Variants in IL5RA observed in about 807,000 individuals in gnomAD.
IL5RA encodes the protein interleukin 5 receptor subunit alpha.
Under a neutral mutation model 50.0 loss-of-function variants are expected in IL5RA, and 49 were observed. The observed-to-expected ratio is 0.98, with a 90% CI of 0.78 to 1.24. The LOEUF is 1.24. Ranked by LOEUF, IL5RA falls within the 50% of genes most tolerant of loss-of-function variation. The pLI, the probability that IL5RA is intolerant of heterozygous loss-of-function variation, is 0.00. For synonymous variants in IL5RA, 202 were observed against 174.0 expected (o/e 1.16, Z -1.26); for missense variants, 600 against 500.4 (o/e 1.20, Z -1.90).
At chr3:3,088,102 A>G (rs1339174835) in intron 9 of IL5RA, among the ~76,000 whole-genome samples, 10 of 152,226 alleles carry the variant, frequency 6.6e-5, no homozygotes, top group Non-Finnish European at 1.5e-5. Flanking sequence ...TAATGAGCCC[A>G]GATTCAAACT....
chr3:3,075,758 G>A (rs756319297), intron 10 of IL5RA, among the ~76,000 whole-genome samples: 2 of 151,684 alleles, frequency 1.3e-5, no homozygotes, highest in African/African-American at 4.8e-5. Flanking sequence ...GTACCACCAC[G>A]CCCAGCTAAT....
chr3:3,092,117 A>G lies in IL5RA; in HGVS notation c.994+107T>C, dbSNP rs562688539. 316 of 1,504,624 alleles carry G rather than the reference A, an allele frequency of 2.1e-4. 3 individuals are homozygous for G. In the African/African-American group the frequency reaches 4.1e-3, roughly 19 times the overall value. The allele number at this position is 1,504,624 out of a possible 1,614,324, so 93.2% of individuals were successfully genotyped here. Reference sequence around the variant, plus strand: ...ACCGAGAGAAAATTAGTCACAATAGAGATATGAAACCATTTTAAGACCCAC... The same window carrying G: ...ACCGAGAGAAAATTAGTCACAATAGGGATATGAAACCATTTTAAGACCCAC... On this transcript the variant is annotated intron_variant, in intron 9 of 11. Coordinates refer to ENST00000446632, the MANE Select transcript of IL5RA (RefSeq NM_175726.4). This position sits in a 1 kb window ranked among gnomAD's most constrained non-coding sequence, Gnocchi z 4.2.
At chr3:3,090,278 T>G in intron 9 of IL5RA, 1 of 1,521,302 alleles carries the variant, frequency 6.6e-7, no homozygotes, top group Non-Finnish European at 9.0e-7. Flanking sequence ...AGAGAAATTA[T>G]TTGTCTGGGG....
At chr3:3,104,075 G>C (rs750284572) in intron 3 of IL5RA, among the ~76,000 whole-genome samples, 4 of 152,140 alleles carry the variant, frequency 2.6e-5, no homozygotes, top group Non-Finnish European at 5.9e-5. Flanking sequence ...GTCTCACTCT[G>C]TTGCCCAGGC....
chr3:3,075,385 T>C (rs1040416430), intron 10 of IL5RA, among the ~76,000 whole-genome samples: 1 of 151,744 alleles, frequency 6.6e-6, no homozygotes, highest in Non-Finnish European at 1.5e-5. Flanking sequence ...GTATTTTTTG[T>C]AGAGACAGGG....
intron 9 of IL5RA, among the ~76,000 whole-genome samples, chr3:3,084,907 C>T (rs927102698): frequency 6.6e-6 from 1 of 152,278 alleles, no homozygotes; most frequent in African/African-American, 2.4e-5. Flanking sequence ...CTCCCACAAG[C>T]TGCCATCCCT....
At position 3,098,054 on chromosome 3, in the gene IL5RA, A is replaced by G. The variant is rs765022757; in HGVS notation, c.525T>C (p.Tyr175=). ...CTTGGCATTCTTCAGTCCAAGAGCC[A>G]TACCTAAATTGGAACATTTACGAGT... ...EDTQYFLYYR[Y]GSWTEECQEY... The change falls in exon 7 of 12, where the codon TAT becomes TAC. Residue 175 remains tyrosine, a synonymous_variant. Coordinates refer to ENST00000446632, the MANE Select transcript of IL5RA (RefSeq NM_175726.4). 1.2e-6 allele frequency: 2 copies of G among 1,614,186 alleles called. No homozygotes were observed. Among genetic ancestry groups the G allele is most frequent in the Non-Finnish European group, 1.7e-6 (2 of 1,180,020 alleles).
chr3:3,082,817 T>C (rs1309667022), intron 9 of IL5RA, among the ~76,000 whole-genome samples: 1 of 152,224 alleles, frequency 6.6e-6, no homozygotes, highest in Non-Finnish European at 1.5e-5. Context: ...TTTAGACTAC[T>C]AGCTCTTAGG....
intron 7 of IL5RA, among the ~76,000 whole-genome samples, chr3:3,095,778 C>T (rs1703333684): frequency 6.6e-6 from 1 of 152,066 alleles, no homozygotes; most frequent in Admixed American, 6.5e-5. Flanking sequence ...GTACCAGGCC[C>T]AGAATAAACC....
intron 7 of IL5RA, among the ~76,000 whole-genome samples, chr3:3,096,755 C>G (rs945610992): frequency 6.6e-6 from 1 of 152,134 alleles, no homozygotes; most frequent in Non-Finnish European, 1.5e-5. Flanking sequence ...ATTGCATAAC[C>G]TCTTTAGTAA....
intron 9 of IL5RA, among the ~76,000 whole-genome samples, chr3:3,091,279 G>A (rs1341149407): frequency 2.6e-5 from 4 of 152,148 alleles, no homozygotes; most frequent in East Asian, 1.9e-4. Context: ...CAGACTACTC[G>A]TTGCCAGAGT....
chr3:3,075,445 C>T (rs1160939905), intron 10 of IL5RA, among the ~76,000 whole-genome samples: 1 of 151,846 alleles, frequency 6.6e-6, no homozygotes, highest in Non-Finnish European at 1.5e-5. Context: ...TCAAGTGATC[C>T]TCCAGCCTCA....
At position 3,092,320 on chromosome 3, in the gene IL5RA, C is replaced by A; in HGVS notation, c.898G>T (p.Asp300Tyr). The A allele has an allele frequency of 1.9e-6, 3 of 1,613,878 alleles. No homozygotes were observed. Among genetic ancestry groups the A allele is most frequent in the Non-Finnish European group, 2.5e-6 (3 of 1,179,922 alleles). ...MTNAFISIID[D>Y]LSKYDVQVRA... Reference sequence around the variant, plus strand: ...ACTTGAACATCGTACTTAGAAAGATCATCAATTATTGAGATGAATGCATTG... The same window carrying A: ...ACTTGAACATCGTACTTAGAAAGATAATCAATTATTGAGATGAATGCATTG... The change falls in exon 9 of 12, where the codon GAT becomes TAT. Residue 300 changes from aspartate to tyrosine, a missense_variant. Transcript: ENST00000446632. The surrounding 1 kb of genome is among the most constrained non-coding windows in gnomAD (Gnocchi z 4.2).
In IL5RA at chr3:3,092,398, G is replaced by C. The variant is rs370006186; in HGVS notation, c.856-36C>G. ...AAAGATAGCATTAGAAGAATCTCTA[G>C]ACACCTAATTTAGTTCTGCCGATTA... On this transcript the variant is annotated intron_variant, in intron 8 of 11. Transcript: ENST00000446632. The surrounding 1 kb of genome is among the most constrained non-coding windows in gnomAD (Gnocchi z 4.2). 12 of 1,600,890 alleles carry C rather than the reference G, an allele frequency of 7.5e-6. No individual in the cohort carries two copies. The highest frequency in any genetic ancestry group is 9.4e-6 in the Non-Finnish European group (11 of 1,173,066).
chr3:3,095,637 T>A (rs1352874591), intron 7 of IL5RA, among the ~76,000 whole-genome samples, 193 bp from the exon 8 acceptor site: 2 of 152,206 alleles, frequency 1.3e-5, no homozygotes, highest in Non-Finnish European at 2.9e-5. Flanking sequence ...TGTCTTATAG[T>A]GCTGAAGAAG....
At chr3:3,107,353 G>T (rs1575015196) in intron 2 of IL5RA, among the ~76,000 whole-genome samples, 1 of 145,490 alleles carries the variant, frequency 6.9e-6, no homozygotes, top group African/African-American at 2.5e-5. Context: ...ACTCTCTGTG[G>T]CCCCTTAATA....
chr3:3,097,824 G>T, intron 7 of IL5RA, 46 bp downstream of exon 7: 1 of 1,570,880 alleles, frequency 6.4e-7, no homozygotes, highest in Non-Finnish European at 8.7e-7. Context: ...CCAGTGCTGA[G>T]ATTCCGAGAT....
intron 3 of IL5RA, among the ~76,000 whole-genome samples, chr3:3,104,508 A>G (rs1703809966): frequency 6.6e-6 from 1 of 152,166 alleles, no homozygotes; most frequent in African/African-American, 2.4e-5. Flanking sequence ...GATTTTCCTT[A>G]AACTCTGTCA....
At chr3:3,094,750 T>C (rs1703275109) in intron 8 of IL5RA, among the ~76,000 whole-genome samples, 1 of 152,178 alleles carries the variant, frequency 6.6e-6, no homozygotes, top group African/African-American at 2.4e-5. Flanking sequence ...TTAGATGAAA[T>C]GTTGCTCTGT....
Sources: allele counts gnomAD v4.1 joint callset (sites outside exome capture counted in the v4.1 genomes callset), GRCh38; gene constraint gnomAD v4.1.1; non-coding constraint Gnocchi (gnomAD v3.1); transcripts MANE v1.5; gene names NCBI Gene and HGNC (gene_info 2026-07-23, HGNC 2026-07-21).